The following GRB14 variants were observed in gnomAD, a reference collection of about 807,000 sequenced individuals.
The protein encoded by GRB14 is growth factor receptor bound protein 14.
A neutral mutation model predicts 69.1 loss-of-function variants in GRB14; 38 were observed. The observed-to-expected ratio is 0.55, with a 90% CI of 0.42 to 0.72. The LOEUF is 0.72. Among genes scored for constraint, GRB14 ranks in the 30% least tolerant of loss-of-function variants. The pLI is 0.00. For missense variants in GRB14, 666 were observed against 666.1 expected (o/e 1.00, Z 0.00); for synonymous variants, 247 against 241.3 (o/e 1.02, Z -0.22).
intron 2 of GRB14, among the ~76,000 whole-genome samples, chr2:164,578,642 C>T (rs143630777): frequency 4.6e-5 from 7 of 151,846 alleles, no homozygotes; most frequent in African/African-American, 1.4e-4. Flanking sequence ...ATGAGTTGGA[C>T]AAAAATGTAA....
intron 3 of GRB14, among the ~76,000 whole-genome samples, chr2:164,534,942 A>T (rs1440358306): frequency 6.6e-6 from 1 of 152,218 alleles, no homozygotes; most frequent in Non-Finnish European, 1.5e-5. Flanking sequence ...ATGTTATTAA[A>T]ACTTCACAGA....
At chr2:164,517,722 A>G (rs1687529859) in intron 6 of GRB14, among the ~76,000 whole-genome samples, 1 of 152,174 alleles carries the variant, frequency 6.6e-6, no homozygotes, top group Non-Finnish European at 1.5e-5. Context: ...CTATTCTTAT[A>G]TCAGACAAAA....
At chr2:164,505,813 T>C (rs749678075) in intron 8 of GRB14, among the ~76,000 whole-genome samples, 12 of 152,204 alleles carry the variant, frequency 7.9e-5, no homozygotes, top group African/African-American at 1.7e-4. Flanking sequence ...TTGTAAGTGA[T>C]ATGAAAGCAT....
chr2:164,601,157 G>A (rs1395246026), intron 2 of GRB14, among the ~76,000 whole-genome samples: 1 of 152,064 alleles, frequency 6.6e-6, no homozygotes, highest in East Asian at 1.9e-4. Flanking sequence ...CTTTCAGTAA[G>A]AATACATCCT....
At chr2:164,585,292 T>C (rs1689513507) in intron 2 of GRB14, among the ~76,000 whole-genome samples, 1 of 151,680 alleles carries the variant, frequency 6.6e-6, no homozygotes, top group African/African-American at 2.4e-5. Flanking sequence ...CTTACTACCA[T>C]CAATCCCAAG....
intron 2 of GRB14, among the ~76,000 whole-genome samples, chr2:164,549,863 A>AAAAATAAAATAAAATAAAATAAAAT (rs10557491): frequency 8.8e-4 from 97 of 110,070 alleles, no homozygotes; most frequent in African/African-American, 3.0e-3. Flanking sequence ...GACTCCATCT[A>AAAAATAAAATAAAATAAAATAAAAT]AAAATAAAAT....
chr2:164,516,624 C>G (rs1043967287), intron 6 of GRB14, among the ~76,000 whole-genome samples: 1 of 152,222 alleles, frequency 6.6e-6, no homozygotes. Context: ...TTGTATCCAG[C>G]GAAACTAAGC....
At chr2:164,503,984 C>A (rs908713617) in intron 8 of GRB14, among the ~76,000 whole-genome samples, 3 of 151,704 alleles carry the variant, frequency 2.0e-5, no homozygotes, top group African/African-American at 7.3e-5. Context: ...AGATAAGGGA[C>A]CAAAATATGT....
intron 2 of GRB14, among the ~76,000 whole-genome samples, chr2:164,584,453 T>C (rs1474695203): frequency 2.6e-5 from 4 of 152,114 alleles, no homozygotes; most frequent in Admixed American, 6.5e-5. Flanking sequence ...AACAAAATTA[T>C]CTTTAAGTAC....
At chr2:164,567,809 G>T (rs769952955) in intron 2 of GRB14, among the ~76,000 whole-genome samples, 2 of 152,098 alleles carry the variant, frequency 1.3e-5, no homozygotes, top group African/African-American at 2.4e-5. Flanking sequence ...AAGCAAATAC[G>T]CAGAAGCTCA....
intron 2 of GRB14, among the ~76,000 whole-genome samples, chr2:164,613,348 T>G (rs1690210488): frequency 6.6e-6 from 1 of 152,070 alleles, no homozygotes; most frequent in African/African-American, 2.4e-5. Context: ...AACCTGTACC[T>G]CTTTCTCACA....
intron 6 of GRB14, among the ~76,000 whole-genome samples, chr2:164,520,248 G>A (rs1296271622): frequency 1.3e-5 from 2 of 151,960 alleles, no homozygotes; most frequent in African/African-American, 4.8e-5. Context: ...ACAAAAAAAA[G>A]TGGGAAAAAG....
chr2:164,591,239 T>C (rs1037750434), intron 2 of GRB14, among the ~76,000 whole-genome samples: 1 of 152,198 alleles, frequency 6.6e-6, no homozygotes, highest in African/African-American at 2.4e-5. Flanking sequence ...CTAGCTTTTG[T>C]TTCTATTGTC....
At chr2:164,614,640 A>G (rs992454839) in intron 2 of GRB14, among the ~76,000 whole-genome samples, 3 of 152,224 alleles carry the variant, frequency 2.0e-5, no homozygotes, top group Non-Finnish European at 4.4e-5. Context: ...AAAATTTTTA[A>G]AAAAGAAATA....
At chr2:164,602,974 AAAAG>A (rs1689956309) in intron 2 of GRB14, among the ~76,000 whole-genome samples, 2 of 152,136 alleles carry the variant, frequency 1.3e-5, no homozygotes, top group African/African-American at 4.8e-5. Context: ...TCAGGTAAGA[AAAAG>A]AAAGACATTG....
Position 164,497,375 on chromosome 2 carries a change from C to T in GRB14, c.1220G>A (p.Arg407Lys), listed in dbSNP as rs200244919. ...SVAVEEGLAW[R>K]KKGCLRLGTH... ...TGAAGCATGTGAAGCTACTTGTACC[C>T]TCCAAGCGAGTCCTTCTTCAACCGC... The change falls in exon 10 of 14, where the codon AGG (arginine) becomes AAG (lysine). Residue 407 changes from arginine to lysine, a missense_variant and splice_region_variant. Physicochemically the swap from Arg to Lys is conservative, Grantham distance 26. Transcript: ENST00000263915. 29 of 1,611,428 alleles carry T rather than the reference C, an allele frequency of 1.8e-5. No individual in the cohort carries two copies. The East Asian group carries it at 6.5e-4, about 36-fold the overall frequency.
At chr2:164,561,820 G>C (rs115951332) in intron 2 of GRB14, among the ~76,000 whole-genome samples, 1 of 152,292 alleles carries the variant, frequency 6.6e-6, no homozygotes, top group African/African-American at 2.4e-5. Context: ...ACATGTTGTA[G>C]CTGCTATTTT....
In GRB14 at chr2:164,621,077, G is replaced by A; in HGVS notation, c.191+42C>T. On this transcript the variant is annotated intron_variant, in intron 1 of 13. Coordinates refer to ENST00000263915, the MANE Select transcript of GRB14 (RefSeq NM_004490.3). The surrounding 1 kb of genome is among the most constrained non-coding windows in gnomAD (Gnocchi z 6.0). ...CCGCCTCCTCACCCCCTCGCCGGCTGCCCAGCCAGGACACTCCCCCGCGCC... is the reference window on the plus strand; with the variant it reads ...CCGCCTCCTCACCCCCTCGCCGGCTACCCAGCCAGGACACTCCCCCGCGCC... 8.0e-7 allele frequency: 1 copy of A among 1,243,454 alleles called. No individual in the cohort carries two copies. 77.0% of individuals were successfully genotyped at this position (1,243,454 alleles called of 1,614,324 possible). A position where few individuals can be genotyped will look rare whatever the true frequency, so the allele number is the denominator to read the frequency against.
chr2:164,502,292 C>A lies in GRB14; in HGVS notation c.1067G>T (p.Gly356Val), dbSNP rs764141981. The change falls in exon 9 of 14, where the codon GGT (glycine) becomes GTT (valine). Residue 356 changes from glycine to valine, a missense_variant. Transcript: ENST00000263915. ...GCTCTGTGAACTGCAGCCACTTCTA[C>A]CTTGATATGGATGCATATAATTCTG... ...LYQNYMHPYQ[G>V]RSGCSSQSIS... 52 of 1,607,132 alleles carry A rather than the reference C, an allele frequency of 3.2e-5. 2 individuals are homozygous for A. The South Asian group carries it at 5.7e-4, about 18-fold the overall frequency.
Sources: allele counts gnomAD v4.1 joint callset (sites outside exome capture counted in the v4.1 genomes callset), GRCh38; gene constraint gnomAD v4.1.1; non-coding constraint Gnocchi (gnomAD v3.1); transcripts MANE v1.5; gene names NCBI Gene and HGNC (gene_info 2026-07-23, HGNC 2026-07-21).